The following PCDHA12 variants were observed in gnomAD, a reference collection of about 807,000 sequenced individuals.
The protein encoded by PCDHA12 is protocadherin alpha 12, also known as protocadherin alpha-12.
In PCDHA12, 44 loss-of-function variants were observed where a neutral mutation model predicts 60.0. The ratio of observed to expected loss-of-function variants is 0.73; its 90% CI spans 0.58 to 0.94. The LOEUF is 0.94. PCDHA12 is among the 40% of genes least tolerant of loss of function. PCDHA12 has a pLI of 0.00. For synonymous variants in PCDHA12, 569 were observed against 553.0 expected (o/e 1.03, Z -0.40); for missense variants, 1,276 against 1,239.7 (o/e 1.03, Z -0.44).
intron 1 of PCDHA12, among the ~76,000 whole-genome samples, chr5:140,942,493 C>T (rs1334279065): frequency 1.3e-5 from 2 of 151,366 alleles, no homozygotes; most frequent in Non-Finnish European, 2.9e-5. Context: ...GAAATAAATA[C>T]ATGGTATCTA....
chr5:140,897,947 T>A (rs1276045551), intron 1 of PCDHA12, among the ~76,000 whole-genome samples: 1 of 152,168 alleles, frequency 6.6e-6, no homozygotes, highest in Non-Finnish European at 1.5e-5. Context: ...CAGTGATGAT[T>A]AGCATTTTTT....
chr5:140,939,803 T>C (rs2092462819), intron 1 of PCDHA12, among the ~76,000 whole-genome samples: 1 of 152,228 alleles, frequency 6.6e-6, no homozygotes, highest in African/African-American at 2.4e-5. Flanking sequence ...ATGTTCTGCA[T>C]GTTCAAGAAA....
At chr5:140,927,505 G>T (rs782722913) in intron 1 of PCDHA12, 1 of 1,614,120 alleles carries the variant, frequency 6.2e-7, no homozygotes, top group East Asian at 2.2e-5. Flanking sequence ...GGTGCTTACA[G>T]CTCGGGACGG....
At chr5:140,926,973 G>A in intron 1 of PCDHA12, 3 of 1,609,762 alleles carry the variant, frequency 1.9e-6, no homozygotes, top group African/African-American at 1.3e-5. Context: ...ACTCAGTGCC[G>A]GAGGAGACGG....
chr5:140,908,351 AACTT>A (rs1422870011), intron 1 of PCDHA12, among the ~76,000 whole-genome samples: 5 of 152,154 alleles, frequency 3.3e-5, no homozygotes, highest in African/African-American at 1.2e-4. Context: ...TACCTCATGT[AACTT>A]ACTTGTGCCT....
chr5:140,922,441 A>G (rs2080844983), intron 1 of PCDHA12, among the ~76,000 whole-genome samples: 1 of 152,216 alleles, frequency 6.6e-6, no homozygotes, highest in Non-Finnish European at 1.5e-5. Flanking sequence ...GAACTCTCTC[A>G]TTATCCTATT....
chr5:140,936,593 C>T (rs1475903432), intron 1 of PCDHA12, among the ~76,000 whole-genome samples: 1 of 152,168 alleles, frequency 6.6e-6, no homozygotes, highest in African/African-American at 2.4e-5. Context: ...GTTAGATTGC[C>T]TACTTTCCTC....
intron 1 of PCDHA12, among the ~76,000 whole-genome samples, chr5:140,913,241 T>C (rs1325092057): frequency 6.6e-6 from 1 of 152,226 alleles, no homozygotes; most frequent in African/African-American, 2.4e-5. Context: ...GGGAGACTTT[T>C]TGTTACAACT....
At chr5:140,894,446 T>TA (rs2064476840) in intron 1 of PCDHA12, among the ~76,000 whole-genome samples, 2 of 152,118 alleles carry the variant, frequency 1.3e-5, no homozygotes, top group East Asian at 3.9e-4. Flanking sequence ...AGCTCTTTTT[T>TA]AAAAAATATT....
chr5:140,925,076 A>G (rs1388489555), intron 1 of PCDHA12, among the ~76,000 whole-genome samples: 2 of 148,798 alleles, frequency 1.3e-5, no homozygotes, highest in Non-Finnish European at 3.0e-5. Context: ...CAACACGCTC[A>G]TCTGGAAAGG....
At chr5:140,893,780 C>G (rs966071281) in intron 1 of PCDHA12, among the ~76,000 whole-genome samples, 1 of 151,980 alleles carries the variant, frequency 6.6e-6, no homozygotes. Flanking sequence ...TTTCTTTTAC[C>G]GTTTTTAGAA....
chr5:141,003,469 A>G (rs536017033), intron 3 of PCDHA12, among the ~76,000 whole-genome samples: 53 of 152,106 alleles, frequency 3.5e-4, no homozygotes, highest in Admixed American at 2.3e-3. Flanking sequence ...GCACCACCAC[A>G]GTCTCGCTAA....
chr5:140,891,879 A>G, intron 1 of PCDHA12, among the ~76,000 whole-genome samples: 1 of 152,196 alleles, frequency 6.6e-6, no homozygotes, highest in East Asian at 1.9e-4. Flanking sequence ...TGGCTCTGTC[A>G]TGTGACGATG....
In PCDHA12 at chr5:141,009,850, C is replaced by A; in HGVS notation, c.2739C>A (p.Thr913=). The A allele has an allele frequency of 1.2e-6, 2 of 1,613,572 alleles. No individual in the cohort carries two copies. Among genetic ancestry groups the A allele is most frequent in the Non-Finnish European group, 1.7e-6 (2 of 1,179,906 alleles). ...DFITFGKKEE[T]KKKKKKKKGN... ...TAACCTTCGGCAAAAAGGAGGAGAC[C>A]AAGAAAAAGAAGAAAAAGAAGAAGG... The change falls in exon 4 of 4, where the codon ACC becomes ACA. Residue 913 remains threonine (T), a synonymous_variant. Coordinates refer to ENST00000398631, the MANE Select transcript of PCDHA12 (RefSeq NM_018903.4).
At chr5:140,882,699 A>C in intron 1 of PCDHA12, 3 of 1,614,184 alleles carry the variant, frequency 1.9e-6, no homozygotes, top group South Asian at 1.1e-5. Context: ...ATCATTGCAG[A>C]ATCTAGACCT....
chr5:141,002,679 G>A (rs1554258764), intron 3 of PCDHA12, among the ~76,000 whole-genome samples: 1 of 152,134 alleles, frequency 6.6e-6, no homozygotes, highest in Non-Finnish European at 1.5e-5. Context: ...AAACCTATAC[G>A]ACGTGCAGAT....
chr5:141,009,019 C>G (rs1160022658), intron 3 of PCDHA12, among the ~76,000 whole-genome samples: 2 of 152,232 alleles, frequency 1.3e-5, no homozygotes, highest in African/African-American at 4.8e-5. Flanking sequence ...CCTTTAGGCT[C>G]TGTATTTCCC....
chr5:140,885,509 T>C (rs1020233501), intron 1 of PCDHA12, among the ~76,000 whole-genome samples: 36 of 152,208 alleles, frequency 2.4e-4, no homozygotes, highest in Admixed American at 1.4e-3. Flanking sequence ...TGAACCATGC[T>C]GTGCTATCAT....
intron 1 of PCDHA12, among the ~76,000 whole-genome samples, chr5:140,943,353 G>A (rs2093481887): frequency 6.6e-6 from 1 of 151,602 alleles, no homozygotes; most frequent in Non-Finnish European, 1.5e-5. Flanking sequence ...TGAGAGTAGA[G>A]GAAAGGAGAT....
Sources: allele counts gnomAD v4.1 joint callset (sites outside exome capture counted in the v4.1 genomes callset), GRCh38; gene constraint gnomAD v4.1.1; transcripts MANE v1.5; gene names NCBI Gene and HGNC (gene_info 2026-07-23, HGNC 2026-07-21).